BAZ2B: variants seen among roughly 807,000 people sequenced by gnomAD.
BAZ2B encodes bromodomain adjacent to zinc finger domain 2B, also known as bromodomain adjacent to zinc finger domain protein 2B.
A neutral mutation model predicts 246.0 loss-of-function variants in BAZ2B; 91 were observed. That is an observed-to-expected ratio of 0.37 (90% CI 0.31 to 0.44). The LOEUF is 0.44. Ranked by LOEUF, BAZ2B falls within the 20% of genes least tolerant of loss-of-function variation. The probability of loss-of-function intolerance (pLI) is 1.00; values close to 1 mark genes in which losing one functional copy is unlikely to be tolerated. For synonymous variants in BAZ2B, 855 were observed against 860.0 expected (o/e 0.99, Z 0.10); for missense variants, 2,332 against 2,533.7 (o/e 0.92, Z 1.71).
intron 1 of BAZ2B, among the ~76,000 whole-genome samples, chr2:159,590,256 T>C: frequency 9.4e-6 from 1 of 106,106 alleles, no homozygotes; most frequent in Admixed American, 1.0e-4. Context: ...CTGGCTATTG[T>C]TAATCTTCCA....
chr2:159,707,826 CA>C, the BAZ2B span, among the ~76,000 whole-genome samples: 7 of 150,150 alleles, frequency 4.7e-5, no homozygotes, highest in African/African-American at 1.5e-4. Flanking sequence ...GACTCCATCT[CA>C]AAAAAAAGAA....
intron 1 of BAZ2B, among the ~76,000 whole-genome samples, chr2:159,589,325 C>T (rs1049733757): frequency 3.3e-5 from 5 of 151,642 alleles, no homozygotes; most frequent in East Asian, 1.9e-4. Context: ...CCATTCTAAG[C>T]CAACTTTCAT....
chr2:159,378,415 G>A (rs1194423914), intron 25 of BAZ2B, among the ~76,000 whole-genome samples: 1 of 152,106 alleles, frequency 6.6e-6, no homozygotes, highest in Non-Finnish European at 1.5e-5. Flanking sequence ...TCTTGAATAT[G>A]ACATGAAAAA....
chr2:159,573,572 A>T (rs1171690100), intron 1 of BAZ2B, among the ~76,000 whole-genome samples: 1 of 152,216 alleles, frequency 6.6e-6, no homozygotes, highest in Admixed American at 6.5e-5. Flanking sequence ...GGAAGAAAAT[A>T]AAGGCGTAAA....
intron 3 of BAZ2B, among the ~76,000 whole-genome samples, chr2:159,467,862 T>C (rs2150738357): frequency 6.6e-6 from 1 of 152,306 alleles, no homozygotes; most frequent in East Asian, 1.9e-4. Flanking sequence ...CTTTGTAGCT[T>C]TCTGGTCTGC....
chr2:159,445,219 G>C (rs1217421625), intron 6 of BAZ2B, among the ~76,000 whole-genome samples: 1 of 152,114 alleles, frequency 6.6e-6, no homozygotes, highest in Non-Finnish European at 1.5e-5. Flanking sequence ...GAGCCAACAA[G>C]ATCTACTCAG....
intron 24 of BAZ2B, 100 bp downstream of exon 24, chr2:159,383,506 G>C (rs2062252697): frequency 9.9e-7 from 1 of 1,014,178 alleles, no homozygotes; most frequent in South Asian, 1.5e-5. Flanking sequence ...CTTTTCTTTA[G>C]ACAATAAAAG....
the BAZ2B span, among the ~76,000 whole-genome samples, chr2:159,647,086 A>G: frequency 6.6e-6 from 1 of 152,158 alleles, no homozygotes; most frequent in Non-Finnish European, 1.5e-5. Context: ...TCATTTCCAC[A>G]TTTTAGGTAT....
upstream of BAZ2B, among the ~76,000 whole-genome samples, chr2:159,617,775 A>G (rs886429394): frequency 3.9e-5 from 5 of 127,848 alleles, no homozygotes; most frequent in African/African-American, 1.1e-4. Context: ...CTTCATTAGG[A>G]AAAAAAAAAA....
At chr2:159,624,092 G>C in the BAZ2B span, among the ~76,000 whole-genome samples, 1 of 152,154 alleles carries the variant, frequency 6.6e-6, no homozygotes, top group African/African-American at 2.4e-5. Context: ...GTTCGAACCG[G>C]GTGGAGCCCA....
At chr2:159,659,128 A>G in the BAZ2B span, among the ~76,000 whole-genome samples, 1 of 152,158 alleles carries the variant, frequency 6.6e-6, no homozygotes, top group Non-Finnish European at 1.5e-5. Context: ...GAGAATTTGT[A>G]TAATTTCTTC....
At position 159,402,265 on chromosome 2, in the gene BAZ2B, G is replaced by C. The variant is rs1004436506; in HGVS notation, c.2833-1601C>G. On this transcript the variant is annotated intron_variant, in intron 16 of 36. Coordinates refer to ENST00000392783, the MANE Select transcript of BAZ2B (RefSeq NM_013450.4). ...GAGTTCGAGAAACAAACAGTGCTAGGTGGTGAAACCCCATCTCTACTAAAA... is the reference window on the plus strand; with the variant it reads ...GAGTTCGAGAAACAAACAGTGCTAGCTGGTGAAACCCCATCTCTACTAAAA... Among the ~76,000 whole-genome samples the C allele has an allele frequency of 3.3e-5, 5 of 152,088 alleles. No homozygotes were observed. The East Asian group carries it at 9.6e-4, about 29-fold the overall frequency.
intron 2 of BAZ2B, among the ~76,000 whole-genome samples, chr2:159,491,675 C>T (rs2151024591): frequency 7.6e-6 from 1 of 130,796 alleles, no homozygotes; most frequent in African/African-American, 2.9e-5. Flanking sequence ...GAGCCGAGAT[C>T]CCGCCACTGC....
At chr2:159,329,538 C>T (rs533543184) in intron 34 of BAZ2B, among the ~76,000 whole-genome samples, 1 of 152,226 alleles carries the variant, frequency 6.6e-6, no homozygotes, top group East Asian at 1.9e-4. Flanking sequence ...CATACATACA[C>T]ACACACATAC....
At chr2:159,320,692 C>T (rs1320476965) in intron 36 of BAZ2B, among the ~76,000 whole-genome samples, 1 of 152,162 alleles carries the variant, frequency 6.6e-6, no homozygotes, top group Non-Finnish European at 1.5e-5. Flanking sequence ...CATAACCCAA[C>T]TCCTGTTTGA....
At chr2:159,467,338 G>T (rs1449796536) in intron 3 of BAZ2B, among the ~76,000 whole-genome samples, 1 of 152,204 alleles carries the variant, frequency 6.6e-6, no homozygotes, top group Admixed American at 6.5e-5. Flanking sequence ...GCTCATTGTA[G>T]AGATGAAGAA....
intron 17 of BAZ2B, chr2:159,399,111 TAG>T: frequency 2.5e-6 from 1 of 403,330 alleles, no homozygotes; most frequent in Non-Finnish European, 4.4e-6. Flanking sequence ...AAAAATTTCT[TAG>T]AGTCATAAGA....
chr2:159,588,636 A>G (rs745388121), intron 1 of BAZ2B, among the ~76,000 whole-genome samples: 5 of 152,230 alleles, frequency 3.3e-5, no homozygotes, highest in Non-Finnish European at 7.3e-5. Flanking sequence ...CTGGCCCTGC[A>G]GACTCAATGT....
chr2:159,685,616 G>A, the BAZ2B span, among the ~76,000 whole-genome samples: 427 of 151,682 alleles, frequency 2.8e-3, no homozygotes, highest in Middle Eastern at 0.045. Context: ...AAAGGAATGG[G>A]GCCATGTTAA....
Sources: allele counts gnomAD v4.1 joint callset (sites outside exome capture counted in the v4.1 genomes callset), GRCh38; gene constraint gnomAD v4.1.1; transcripts MANE v1.5; gene names NCBI Gene and HGNC (gene_info 2026-07-23, HGNC 2026-07-21).